DPYSL2: variants seen among roughly 807,000 people sequenced by gnomAD.
The protein encoded by DPYSL2 is dihydropyrimidinase-related protein 2.
DPYSL2 carries 13 observed loss-of-function variants against 69.9 expected under a neutral mutation model. The observed-to-expected ratio is 0.19, with a 90% CI of 0.12 to 0.30. The LOEUF (loss-of-function observed/expected upper bound fraction) is 0.30, where lower values mean the gene tolerates loss of function less well. Ranked by LOEUF, DPYSL2 falls within the 10% of genes least tolerant of loss-of-function variation. The probability of loss-of-function intolerance (pLI) is 1.00; values close to 1 mark genes in which losing one functional copy is unlikely to be tolerated. For missense variants in DPYSL2, 587 were observed against 918.9 expected (o/e 0.64, Z 4.67); for synonymous variants, 326 against 359.1 (o/e 0.91, Z 1.04).
rs923249734 is a variant in DPYSL2 at position 26,533,070 on chromosome 8, T to C, written c.354+18391T>C. ...TTGTCTGTCTTTTTGATTCCAGCCA[T>C]CCTACTGGGTATGAGTCAGTATCTC... On this transcript the variant is annotated intron_variant, in intron 1 of 13. Coordinates refer to ENST00000521913, the MANE Select transcript of DPYSL2 (RefSeq NM_001197293.3). This position sits in a 1 kb window ranked among gnomAD's most constrained non-coding sequence, Gnocchi z 4.8. Among the ~76,000 whole-genome samples, 5 of 152,224 alleles carry C rather than the reference T, an allele frequency of 3.3e-5. No homozygotes were observed. The highest frequency in any genetic ancestry group is 1.2e-4 in the African/African-American group (5 of 41,460).
intron 1 of DPYSL2, among the ~76,000 whole-genome samples, chr8:26,568,087 C>T (rs1801181288): frequency 6.6e-6 from 1 of 152,194 alleles, no homozygotes; most frequent in Non-Finnish European, 1.5e-5. Flanking sequence ...TGGTTACTAA[C>T]AGCACAACTG....
Position 26,652,476 on chromosome 8 carries a change from G to A in DPYSL2, c.1776+40G>A, listed in dbSNP as rs774226544. 25 of 1,564,210 alleles carry A rather than the reference G, an allele frequency of 1.6e-5. No homozygotes were observed. Among genetic ancestry groups the A allele is most frequent in the East Asian group, 4.6e-5 (2 of 43,746 alleles). ...TCTGATGAATTTTTTGTTAAATCAC[G>A]AATTAAGTTCAAGGCCACAAACATT... On this transcript the variant is annotated intron_variant, in intron 12 of 13. Coordinates refer to ENST00000521913, the MANE Select transcript of DPYSL2 (RefSeq NM_001197293.3). This position sits in a 1 kb window ranked among gnomAD's most constrained non-coding sequence, Gnocchi z 6.3.
chr8:26,527,990 G>C (rs1011521234), intron 1 of DPYSL2, among the ~76,000 whole-genome samples: 13 of 152,016 alleles, frequency 8.6e-5, no homozygotes, highest in Non-Finnish European at 1.9e-4. Context: ...TTTTAGTAGA[G>C]ACGAGGTTTC....
chr8:26,634,883 C>T lies in DPYSL2; in HGVS notation c.1109C>T (p.Ala370Val), dbSNP rs1235948019. ...VMSKSSAEVI[A>V]QARKKGTVVY... ...AGCAAAAGCTCTGCTGAGGTCATCG[C>T]CCAGGCACGGAAGAAGGGTGAGTGC... The change falls in exon 8 of 14, where the codon GCC becomes GTC. Residue 370 changes from alanine (A) to valine (V), a missense_variant. This residue lies in a region of DPYSL2 where 452 missense variants were observed against 754.3 expected (regional missense o/e 0.60). Transcript: ENST00000521913. 6 of 1,614,096 alleles carry T rather than the reference C, an allele frequency of 3.7e-6. No homozygotes were observed. The highest frequency in any genetic ancestry group is 1.7e-5 in the Admixed American group (1 of 60,006).
Position 26,605,452 on chromosome 8 carries a change from A to C in DPYSL2, c.629-18691A>C, listed in dbSNP as rs959514027. 1.8e-4 allele frequency among the ~76,000 whole-genome samples: 27 copies of C among 151,952 alleles called. No homozygotes were observed. The highest frequency in any genetic ancestry group is 6.5e-4 in the African/African-American group (27 of 41,360). On this transcript the variant is annotated intron_variant, in intron 3 of 13. Coordinates refer to ENST00000521913, the MANE Select transcript of DPYSL2 (RefSeq NM_001197293.3). The surrounding 1 kb of genome is among the most constrained non-coding windows in gnomAD (Gnocchi z 4.1). ...ATTACATGCACCCACTACCACACCC[A>C]GCTAATTTTTATATTTTTAGTAGAG...
At chr8:26,622,227 T>G (rs897157278) in intron 3 of DPYSL2, among the ~76,000 whole-genome samples, 4 of 149,960 alleles carry the variant, frequency 2.7e-5, no homozygotes, top group Admixed American at 2.0e-4. Flanking sequence ...ACATACAACT[T>G]AAGAAGAAAA....
At chr8:26,548,006 G>T in intron 1 of DPYSL2, 1 of 265,046 alleles carries the variant, frequency 3.8e-6, no homozygotes. Flanking sequence ...CTGTTCCCCT[G>T]GATAAGACAG....
At chr8:26,655,488 G>A (rs1803364042) in intron 13 of DPYSL2, 127 bp from the exon 14 acceptor site, 2 of 781,492 alleles carry the variant, frequency 2.6e-6, no homozygotes, top group Middle Eastern at 2.7e-4. Context: ...AGAGCAAGAC[G>A]CTGTCTCCAA....
intron 3 of DPYSL2, among the ~76,000 whole-genome samples, chr8:26,594,585 A>G (rs1388639835): frequency 6.6e-6 from 1 of 152,122 alleles, no homozygotes; most frequent in Non-Finnish European, 1.5e-5. Context: ...TATTTAATCC[A>G]TCGTCTCTAT....
rs189809535 is a variant in DPYSL2, at chr8:26,650,858, C to T, written c.1597-1399C>T. Among the ~76,000 whole-genome samples, 1 of 152,302 alleles carries T rather than the reference C, an allele frequency of 6.6e-6. No individual in the cohort carries two copies. The highest frequency in any genetic ancestry group is 2.4e-5 in the African/African-American group (1 of 41,560). On this transcript the variant is annotated intron_variant, in intron 11 of 13. Coordinates refer to ENST00000521913, the MANE Select transcript of DPYSL2 (RefSeq NM_001197293.3). This position sits in a 1 kb window ranked among gnomAD's most constrained non-coding sequence, Gnocchi z 5.3. Reference sequence around the variant, plus strand: ...TCCAGCCTTGTGGTCTGAATGCATGCCGCCTGTGTGGTCCAGAACAATGTC... The same window carrying T: ...TCCAGCCTTGTGGTCTGAATGCATGTCGCCTGTGTGGTCCAGAACAATGTC...
chr8:26,535,632 TA>T (rs1483868516), intron 1 of DPYSL2, among the ~76,000 whole-genome samples: 18 of 147,922 alleles, frequency 1.2e-4, no homozygotes, highest in African/African-American at 4.7e-4. Flanking sequence ...TATATATATA[TA>T]TATTTTTTTT....
chr8:26,537,885 C>T (rs962118927), intron 1 of DPYSL2, among the ~76,000 whole-genome samples: 5 of 152,116 alleles, frequency 3.3e-5, no homozygotes, highest in Admixed American at 6.6e-5. Flanking sequence ...ATTTACTTGT[C>T]GTGTATTTTT....
Position 26,652,386 on chromosome 8 carries a change from C to G in DPYSL2, c.1726C>G (p.Arg576Gly). The change falls in exon 12 of 14, where the codon CGG becomes GGG. Residue 576 changes from arginine to glycine, a missense_variant. Arg to Gly is a moderately radical substitution (Grantham distance 125). Coordinates refer to ENST00000521913, the MANE Select transcript of DPYSL2 (RefSeq NM_001197293.3). The surrounding 1 kb of genome is among the most constrained non-coding windows in gnomAD (Gnocchi z 6.3). ...VTEGSGRYIP[R>G]KPFPDFVYKR... The stretch of plus-strand genomic sequence containing the variant: ...CGAAGGCTCTGGACGCTACATTCCC[C>G]GGAAGCCCTTCCCTGATTTTGTTTA... 2 of 1,614,074 alleles carry G rather than the reference C, an allele frequency of 1.2e-6. No individual in the cohort carries two copies. The highest frequency in any genetic ancestry group is 1.7e-6 in the Non-Finnish European group (2 of 1,179,950).
At chr8:26,583,137 T>C (rs1220806048) in intron 2 of DPYSL2, among the ~76,000 whole-genome samples, 5 of 152,234 alleles carry the variant, frequency 3.3e-5, no homozygotes, top group African/African-American at 1.2e-4. Context: ...CCTAGATTAA[T>C]ATTCCTTTTA....
At position 26,578,620 on chromosome 8, in the gene DPYSL2, A is replaced by G. The variant is rs112054058; in HGVS notation, c.355-3349A>G. 28 of 1,213,244 alleles carry G rather than the reference A, an allele frequency of 2.3e-5. No homozygotes were observed. In the East Asian group the frequency reaches 9.6e-4, roughly 42 times the overall value. The allele number at this position is 1,213,244 out of a possible 1,614,324, so 75.2% of individuals were successfully genotyped here. ...CGGGGTGCAAGCAAATGGATGCCAG[A>G]TTGAATATGCATGCCTGGAGCTCGG... On this transcript the variant is annotated intron_variant, in intron 1 of 13. Coordinates refer to ENST00000521913, the MANE Select transcript of DPYSL2 (RefSeq NM_001197293.3).
chr8:26,547,149 G>T (rs976368886), intron 1 of DPYSL2, among the ~76,000 whole-genome samples: 1 of 151,718 alleles, frequency 6.6e-6, no homozygotes. Context: ...GATTGCTTGA[G>T]CCAAGGAGTT....
chr8:26,627,199 C>A lies in DPYSL2; in HGVS notation c.856-16C>A. On this transcript the variant is annotated splice_polypyrimidine_tract_variant and intron_variant, in intron 5 of 13. Transcript: ENST00000521913. This position sits in a 1 kb window ranked among gnomAD's most constrained non-coding sequence, Gnocchi z 6.9. ...GGAAGTCCCTGTCTCTGATCCCACC[C>A]TTGTCTCTCTCTCAGATTTATGAAG... 6.2e-7 allele frequency: 1 copy of A among 1,613,106 alleles called. No homozygotes were observed. Among genetic ancestry groups the A allele is most frequent in the Non-Finnish European group, 8.5e-7 (1 of 1,179,040 alleles).
At chr8:26,548,395 C>CTA (rs1178826915) in intron 1 of DPYSL2, 3 of 230,028 alleles carry the variant, frequency 1.3e-5, no homozygotes, top group Admixed American at 9.8e-5. Flanking sequence ...GAGAAGCCGT[C>CTA]TATATACTGA....
At position 26,561,393 on chromosome 8, in the gene DPYSL2, A is replaced by G. The variant is rs554318602; in HGVS notation, c.355-20576A>G. On this transcript the variant is annotated intron_variant, in intron 1 of 13. Transcript: ENST00000521913. Reference sequence around the variant, plus strand: ...GAATTATTTGACTTAATTACCATCCATGAGTGGATGTTCCTAAATTCACAT... The same window carrying G: ...GAATTATTTGACTTAATTACCATCCGTGAGTGGATGTTCCTAAATTCACAT... Among the ~76,000 whole-genome samples, 163 of 152,172 alleles carry G rather than the reference A, an allele frequency of 1.1e-3. 4 individuals carry two copies. In the South Asian group the frequency reaches 0.032, roughly 30 times the overall value.
Sources: gnomAD v4.1 joint callset for allele counts (sites outside exome capture counted in the v4.1 genomes callset) on GRCh38, gnomAD v4.1.1 for gene constraint, gnomAD v4.1.1 regional missense constraint, Gnocchi (gnomAD v3.1) non-coding constraint, MANE v1.5 for transcripts, NCBI Gene and HGNC (gene_info 2026-07-23, HGNC 2026-07-21) for gene names.